PNPLA6: variants seen among roughly 807,000 people sequenced by gnomAD.
PNPLA6 encodes the protein patatin-like phospholipase domain-containing protein 6.
In PNPLA6, 105 loss-of-function variants were observed where a neutral mutation model predicts 153.7. The ratio of observed to expected loss-of-function variants is 0.68; its 90% CI spans 0.58 to 0.80. The LOEUF (loss-of-function observed/expected upper bound fraction) is 0.80. Among genes scored for constraint, PNPLA6 ranks in the 30% least tolerant of loss-of-function variants. The pLI, the probability that PNPLA6 is intolerant of heterozygous loss-of-function variation, is 0.00. For synonymous variants in PNPLA6, 825 were observed against 822.2 expected (o/e 1.00, Z -0.06); for missense variants, 1,423 against 1,919.3 (o/e 0.74, Z 4.83).
In PNPLA6 at chr19:7,542,900, A is replaced by G; in HGVS notation, c.1502A>G (p.Gln501Arg). The change falls in exon 12 of 32, where the codon CAG (glutamine) becomes CGG (arginine). Residue 501 changes from glutamine to arginine, a missense_variant. Gln to Arg is a conservative substitution (Grantham distance 43, BLOSUM62 1). Coordinates refer to ENST00000600737, the MANE Select transcript of PNPLA6 (RefSeq NM_001166114.2). ...QTSSIFEAAK[Q>R]ELAKLMRIED... The stretch of plus-strand genomic sequence containing the variant: ...AGCAGCATCTTCGAGGCAGCAAAGC[A>G]GGAGCTGGCCAAGCTGATGCGGATT... The G allele has an allele frequency of 6.2e-7, 1 of 1,613,540 alleles. No individual in the cohort carries two copies.
At position 7,558,838 on chromosome 19, in the gene PNPLA6, CT is replaced by C. The variant is rs1409345995; in HGVS notation, c.3398-11del. On this transcript the variant is annotated splice_polypyrimidine_tract_variant and intron_variant, in intron 27 of 31. Transcript: ENST00000600737. ...CGAGGGGAGCAGCCCGCTGACCCCCCTGGCCCCACAGCGGACATCGCCCGCA... is the reference window on the plus strand; with the variant it reads ...CGAGGGGAGCAGCCCGCTGACCCCCCGGCCCCACAGCGGACATCGCCCGCA... 11 of 1,601,488 alleles carry C rather than the reference CT, an allele frequency of 6.9e-6. 1 individual carries two copies. In the African/African-American group the frequency reaches 1.1e-4, roughly 16 times the overall value.
At chr19:7,549,196 T>C (rs1037963469) in intron 13 of PNPLA6, among the ~76,000 whole-genome samples, 2 of 149,974 alleles carry the variant, frequency 1.3e-5, no homozygotes, top group Non-Finnish European at 3.0e-5. Flanking sequence ...TTTTTCTTTT[T>C]TTTTTTTTGA....
At chr19:7,536,648 T>C in intron 3 of PNPLA6, 102 bp downstream of exon 3, 1 of 809,504 alleles carries the variant, frequency 1.2e-6, no homozygotes, top group South Asian at 1.4e-5. Flanking sequence ...CCATATTGGC[T>C]GCGCGCTGTG....
intron 13 of PNPLA6, among the ~76,000 whole-genome samples, chr19:7,547,940 G>A (rs975711755): frequency 6.7e-6 from 1 of 148,856 alleles, no homozygotes; most frequent in African/African-American, 2.5e-5. Context: ...TGGGATTACA[G>A]TTGTGGGCCA....
Position 7,561,558 on chromosome 19 carries a change from C to A in PNPLA6, c.4094C>A (p.Ala1365Asp). The part of the protein sequence containing the change: ...PQEPPGSATD[A>D] ...GAGCCGCCCGGCTCAGCCACAGATG[C>A]CTGAGGACCTCGACAGGGGTCACCC... is the stretch of plus-strand genomic sequence containing the variant. Residue 1365 changes from alanine (A) to aspartate (D), a missense_variant, in exon 32 of 32, where the codon GCC becomes GAC. Ala to Asp is a moderately radical substitution (Grantham distance 126). Coordinates refer to ENST00000600737, the MANE Select transcript of PNPLA6 (RefSeq NM_001166114.2). The A allele has an allele frequency of 6.3e-7, 1 of 1,599,364 alleles. No individual in the cohort carries two copies. Among genetic ancestry groups the A allele is most frequent in the South Asian group, 1.1e-5 (1 of 88,924 alleles).
intron 13 of PNPLA6, among the ~76,000 whole-genome samples, 181 bp downstream of exon 13, chr19:7,543,265 C>T (rs1272433646): frequency 6.6e-6 from 1 of 152,164 alleles, no homozygotes; most frequent in African/African-American, 2.4e-5. Context: ...CCCCTAACCC[C>T]ACCCTATGTC....
chr19:7,539,886 C>T (rs2023048061), intron 3 of PNPLA6, 32 bp from the exon 4 acceptor site: 4 of 1,453,058 alleles, frequency 2.8e-6, no homozygotes, highest in African/African-American at 2.8e-5. Flanking sequence ...TCCGTGCCCC[C>T]CTCACCCCCG....
Position 7,557,477 on chromosome 19 carries a change from C to A in PNPLA6, c.3397+193C>A, listed in dbSNP as rs1193173607. On this transcript the variant is annotated intron_variant, in intron 27 of 31. Transcript: ENST00000600737. ...ACATGAATGTGCCTGTGGACAGCGA[C>A]ATGTGCAGTTGAGATCTACATTCTG... 1.7e-5 allele frequency: 11 copies of A among 650,024 alleles called. No individual in the cohort carries two copies. In the East Asian group the frequency reaches 3.1e-4, roughly 18 times the overall value. 40.3% of individuals were successfully genotyped at this position (650,024 alleles called of 1,614,324 possible). A position where few individuals can be genotyped will look rare whatever the true frequency, so the allele number is the denominator to read the frequency against.
At chr19:7,558,365 C>G (rs2023972061) in intron 27 of PNPLA6, among the ~76,000 whole-genome samples, 1 of 152,212 alleles carries the variant, frequency 6.6e-6, no homozygotes, top group South Asian at 2.1e-4. Flanking sequence ...GGCACAGTGG[C>G]TCATGCCTGT....
In PNPLA6 at chr19:7,535,843, G is replaced by T. The variant is rs1290544878; in HGVS notation, c.55G>T (p.Glu19Ter). ...GAACTCCTCGGGGGCGAAGGTGGCG[G>T]AGAGGGATGGGTTCCAGGACGTCCT... The part of the protein sequence containing the change: ...ATNSSGAKVA[E>*]RDGFQDVLAP... Residue 19 changes from glutamate (E) to a stop codon, truncating the protein, a stop_gained, in exon 1 of 32, where the codon GAG becomes TAG. Coordinates refer to ENST00000600737, the MANE Select transcript of PNPLA6 (RefSeq NM_001166114.2). LOFTEE classifies it high-confidence loss of function. This position sits in a 1 kb window ranked among gnomAD's most constrained non-coding sequence, Gnocchi z 5.0. 2.0e-6 allele frequency: 3 copies of T among 1,537,766 alleles called. No homozygotes were observed. The highest frequency in any genetic ancestry group is 2.6e-6 in the Non-Finnish European group (3 of 1,147,100).
At chr19:7,542,454 C>T (rs2023194377) in intron 10 of PNPLA6, 107 bp from the exon 11 acceptor site, 5 of 848,242 alleles carry the variant, frequency 5.9e-6, no homozygotes, top group Middle Eastern at 2.2e-4. Context: ...CCAGCCCCAG[C>T]CTCCCAAATA....
chr19:7,558,430 G>A (rs1187715965), intron 27 of PNPLA6, among the ~76,000 whole-genome samples: 1 of 152,164 alleles, frequency 6.6e-6, no homozygotes, highest in East Asian at 1.9e-4. Flanking sequence ...TCAGGAATTC[G>A]AGGCCAGCCT....
At position 7,555,637 on chromosome 19, in the gene PNPLA6, A is replaced by G. The variant is rs778046695; in HGVS notation, c.2967A>G (p.Ala989=). The G allele has an allele frequency of 6.2e-5, 100 of 1,612,616 alleles. No individual in the cohort carries two copies. Among genetic ancestry groups the G allele is most frequent in the Non-Finnish European group, 8.3e-5 (98 of 1,179,822 alleles). The change falls in exon 24 of 32, where the codon GCA becomes GCG. Residue 989 remains alanine, a synonymous_variant. Coordinates refer to ENST00000600737, the MANE Select transcript of PNPLA6 (RefSeq NM_001166114.2). The surrounding 1 kb of genome is among the most constrained non-coding windows in gnomAD (Gnocchi z 6.3). ...GCTCGCACATCGGAGTACTAAAGGCATTAGAGGAGGCGGGGGTCCCCGTGG... is the reference window on the plus strand; with the variant it reads ...GCTCGCACATCGGAGTACTAAAGGCGTTAGAGGAGGCGGGGGTCCCCGTGG... ...RGCSHIGVLK[A]LEEAGVPVDL...
chr19:7,540,305 G>T lies in PNPLA6; in HGVS notation c.711G>T (p.Gly237=). 2 of 1,603,934 alleles carry T rather than the reference G, an allele frequency of 1.2e-6. No homozygotes were observed. The highest frequency in any genetic ancestry group is 2.2e-5 in the South Asian group (2 of 90,868). The part of the protein sequence containing the change: ...QDGLLELCLP[G]PDGKECVVKE... Reference sequence around the variant, plus strand: ...GGCTGCTGGAGCTCTGTCTGCCAGGGCCTGTGAGTGGGCCTCCCCAGGGGC... The same window carrying T: ...GGCTGCTGGAGCTCTGTCTGCCAGGTCCTGTGAGTGGGCCTCCCCAGGGGC... The change falls in exon 5 of 32, where the codon GGG becomes GGT. Residue 237 remains glycine, a synonymous_variant. Transcript: ENST00000600737. This position sits in a 1 kb window ranked among gnomAD's most constrained non-coding sequence, Gnocchi z 6.8.
Position 7,560,692 on chromosome 19 carries a change from C to T in PNPLA6, c.3744C>T (p.Ser1248=), listed in dbSNP as rs1000008449. ...GGAAGGCGGTGTTTGGAGGCTGGAG[C>T]CGTGGCAACGTCATTGAGAAAATGC... ...QYGKAVFGGW[S]RGNVIEKMLT... is the part of the protein sequence containing the mutation. Residue 1248 remains serine (S), a synonymous_variant, in exon 29 of 32, where the codon AGC becomes AGT. Transcript: ENST00000600737. 2 of 1,613,888 alleles carry T rather than the reference C, an allele frequency of 1.2e-6. No individual in the cohort carries two copies. Among genetic ancestry groups the T allele is most frequent in the Admixed American group, 1.7e-5 (1 of 60,006 alleles).
At position 7,540,741 on chromosome 19, in the gene PNPLA6, TG is replaced by T; in HGVS notation, c.795+35del. On this transcript the variant is annotated intron_variant, in intron 6 of 31. Coordinates refer to ENST00000600737, the MANE Select transcript of PNPLA6 (RefSeq NM_001166114.2). This position sits in a 1 kb window ranked among gnomAD's most constrained non-coding sequence, Gnocchi z 6.8. ...TGACCAGTTTCTGAGGCAGGGGGGC[TG>T]GGGTGCAAGGTCCCACCCAAGGGAC... 6.3e-7 allele frequency: 1 copy of T among 1,587,460 alleles called. No individual in the cohort carries two copies. Among genetic ancestry groups the T allele is most frequent in the Middle Eastern group, 1.7e-4 (1 of 6,016 alleles).
chr19:7,558,918 G>A lies in PNPLA6; in HGVS notation c.3466G>A (p.Asp1156Asn). The A allele has an allele frequency of 6.2e-7, 1 of 1,614,130 alleles. No homozygotes were observed. Among genetic ancestry groups the A allele is most frequent in the East Asian group, 2.2e-5 (1 of 44,890 alleles). ...AIDVGSQDET[D>N]LSTYGDSLSG... Reference sequence around the variant, plus strand: ...TGACGTGGGGAGCCAGGATGAGACGGACCTCAGCACCTACGGGGACAGCCT... The same window carrying A: ...TGACGTGGGGAGCCAGGATGAGACGAACCTCAGCACCTACGGGGACAGCCT... Residue 1156 changes from aspartate to asparagine, a missense_variant, in exon 28 of 32, where the codon GAC (aspartate) becomes AAC (asparagine). By Grantham distance (23) the Asp-to-Asn change is conservative (BLOSUM62 1). This residue lies in a region of PNPLA6 where 643 missense variants were observed against 835.2 expected (regional missense o/e 0.77). Transcript: ENST00000600737.
Position 7,561,118 on chromosome 19 carries a change from G to T in PNPLA6, c.3913+8G>T, listed in dbSNP as rs779157222. 6.4e-7 allele frequency: 1 copy of T among 1,557,952 alleles called. No homozygotes were observed. Among genetic ancestry groups the T allele is most frequent in the Admixed American group, 1.8e-5 (1 of 55,506 alleles). On this transcript the variant is annotated splice_region_variant and intron_variant, in intron 30 of 31. Coordinates refer to ENST00000600737, the MANE Select transcript of PNPLA6 (RefSeq NM_001166114.2). Reference sequence around the variant, plus strand: ...CTGATGGCTGTGCTGACGGTGAGGGGCCCAGGGGACCCCCCAAGAGGGAGG... The same window carrying T: ...CTGATGGCTGTGCTGACGGTGAGGGTCCCAGGGGACCCCCCAAGAGGGAGG...
intron 3 of PNPLA6, among the ~76,000 whole-genome samples, chr19:7,537,125 C>T (rs1017199499): frequency 1.3e-5 from 2 of 152,070 alleles, no homozygotes; most frequent in African/African-American, 2.4e-5. Context: ...AAGTCAATAT[C>T]TCAGAGGTCT....
Sources: allele counts gnomAD v4.1 joint callset (sites outside exome capture counted in the v4.1 genomes callset), GRCh38; gene constraint gnomAD v4.1.1; regional missense constraint gnomAD v4.1.1; non-coding constraint Gnocchi (gnomAD v3.1); transcripts MANE v1.5; gene names NCBI Gene and HGNC (gene_info 2026-07-23, HGNC 2026-07-21).